COLEC11: variants seen among roughly 807,000 people sequenced by gnomAD.
The protein encoded by COLEC11 is collectin-11.
Under a neutral mutation model 27.3 loss-of-function variants are expected in COLEC11, and 20 were observed. That is an observed-to-expected ratio of 0.73 (90% CI 0.51 to 1.06). COLEC11 has a LOEUF of 1.06. Ranked by LOEUF, COLEC11 falls within the 50% of genes least tolerant of loss-of-function variation. The pLI, the probability that COLEC11 is intolerant of heterozygous loss-of-function variation, is 0.00. For synonymous variants in COLEC11, 163 were observed against 154.7 expected (o/e 1.05, Z -0.40); for missense variants, 310 against 383.0 (o/e 0.81, Z 1.59).
chr2:3,643,960 T>A lies in COLEC11; in HGVS notation c.658T>A (p.Ser220Thr), dbSNP rs753041393. 6.4e-5 allele frequency: 104 copies of A among 1,613,962 alleles called. No homozygotes were observed. Among genetic ancestry groups the A allele is most frequent in the Non-Finnish European group, 8.4e-5 (99 of 1,180,026 alleles). Residue 220 changes from serine (S) to threonine (T), a missense_variant, in exon 7 of 7, where the codon TCC (serine) becomes ACC (threonine). By Grantham distance (58) the Ser-to-Thr change is moderately conservative. Transcript: ENST00000349077. ...GGGCGCCTTCGTGTACTCTGACCAC[T>A]CCCCCATGCGGACCTTCAACAAGTG... ...KEGAFVYSDH[S>T]PMRTFNKWRS...
intron 1 of COLEC11, chr2:3,603,407 C>G (rs1662386170): frequency 2.0e-6 from 1 of 508,410 alleles, no homozygotes; most frequent in South Asian, 2.1e-5. Flanking sequence ...ACCTCCGCCT[C>G]CTGGGTTCAA....
intron 2 of COLEC11, among the ~76,000 whole-genome samples, chr2:3,609,599 G>A (rs1017786557): frequency 3.3e-5 from 5 of 150,800 alleles, no homozygotes; most frequent in African/African-American, 1.2e-4. Context: ...GCGTGATCTT[G>A]GCTCACTGCA....
chr2:3,600,640 G>A (rs1196067913), intron 1 of COLEC11, among the ~76,000 whole-genome samples: 6 of 152,232 alleles, frequency 3.9e-5, no homozygotes, highest in African/African-American at 9.6e-5. Flanking sequence ...TCAGGATGGC[G>A]TCCCCCAGGG....
At chr2:3,643,264 G>A (rs1311963021) in intron 5 of COLEC11, among the ~76,000 whole-genome samples, 180 bp from the exon 6 acceptor site, 1 of 152,220 alleles carries the variant, frequency 6.6e-6, no homozygotes, top group African/African-American at 2.4e-5. Context: ...CCACTCCTGT[G>A]GAGGTCCTTC....
rs761408974 is a variant in COLEC11, at chr2:3,606,203, G to A, written c.130+1733G>A. 3.2e-6 allele frequency: 5 copies of A among 1,550,504 alleles called. No individual in the cohort carries two copies. In the South Asian group the frequency reaches 5.9e-5, roughly 18 times the overall value. On this transcript the variant is annotated intron_variant, in intron 2 of 6. Coordinates refer to ENST00000349077, the MANE Select transcript of COLEC11 (RefSeq NM_024027.5). ...CACGTCCCTGCCCAATGTGGTGGGT[G>A]CCTCCGAGTCCCTACGGTTGTCTTC...
At chr2:3,613,254 C>T (rs1230298802) in intron 2 of COLEC11, 57 bp from the exon 3 acceptor site, 46 of 1,546,172 alleles carry the variant, frequency 3.0e-5, no homozygotes, top group Non-Finnish European at 4.1e-5. Flanking sequence ...CCACAAATCA[C>T]TCTGAGACGC....
chr2:3,642,134 C>G (rs1357864370), intron 5 of COLEC11, among the ~76,000 whole-genome samples: 1 of 152,200 alleles, frequency 6.6e-6, no homozygotes, highest in African/African-American at 2.4e-5. Flanking sequence ...CTTAGGACAG[C>G]TGCGTGTTCT....
chr2:3,642,624 C>G (rs555910758), intron 5 of COLEC11, among the ~76,000 whole-genome samples: 5 of 152,336 alleles, frequency 3.3e-5, no homozygotes, highest in African/African-American at 9.6e-5. Flanking sequence ...CTCACGTGTG[C>G]AGCTCCCCAG....
intron 3 of COLEC11, among the ~76,000 whole-genome samples, chr2:3,629,867 G>A (rs1199726258): frequency 1.3e-5 from 2 of 152,154 alleles, no homozygotes; most frequent in African/African-American, 4.8e-5. Context: ...GTATGTTTGT[G>A]TACACATGTA....
chr2:3,641,148 C>T lies in COLEC11; in HGVS notation c.328+817C>T, dbSNP rs17017806. 9,434 of 1,173,236 alleles carry T rather than the reference C, an allele frequency of 8.0e-3. 886 individuals carry two copies. The African/African-American group carries it at 0.15, about 19-fold the overall frequency. 72.7% of individuals were successfully genotyped at this position (1,173,236 alleles called of 1,614,324 possible). ...TGTAGACCCCACGGTGGATCCCATT[C>T]GGAAGGTGCTTTCCGAGAAGGATCT... On this transcript the variant is annotated intron_variant, in intron 5 of 6. Coordinates refer to ENST00000349077, the MANE Select transcript of COLEC11 (RefSeq NM_024027.5).
At chr2:3,596,798 G>A (rs1350158214) in intron 1 of COLEC11, among the ~76,000 whole-genome samples, 1 of 152,168 alleles carries the variant, frequency 6.6e-6, no homozygotes, top group East Asian at 1.9e-4. Flanking sequence ...AGGTCCTGGG[G>A]GTAGCTGTGG....
intron 3 of COLEC11, among the ~76,000 whole-genome samples, chr2:3,619,922 G>A (rs114408735): frequency 0.024 from 3,595 of 152,246 alleles, 143 homozygotes; most frequent in African/African-American, 0.08. Context: ...CACCGCTCCC[G>A]GCCGTGTATA....
chr2:3,595,436 C>T (rs1661781509), intron 1 of COLEC11, among the ~76,000 whole-genome samples: 1 of 152,226 alleles, frequency 6.6e-6, no homozygotes, highest in African/African-American at 2.4e-5. Flanking sequence ...GATGGAGTCA[C>T]CCTCTTGGGT....
chr2:3,626,323 G>A (rs536705475), intron 3 of COLEC11, among the ~76,000 whole-genome samples: 2 of 152,342 alleles, frequency 1.3e-5, no homozygotes, highest in African/African-American at 4.8e-5. Context: ...TCCTGGGCTC[G>A]CTGGGCCTGT....
At chr2:3,625,612 T>C (rs1664490517) in intron 3 of COLEC11, among the ~76,000 whole-genome samples, 2 of 132,750 alleles carry the variant, frequency 1.5e-5, no homozygotes, top group African/African-American at 2.9e-5. Context: ...AAAGTTTCTT[T>C]TCTTCTTTTT....
chr2:3,638,187 C>T (rs550286294), intron 4 of COLEC11, among the ~76,000 whole-genome samples: 17 of 152,206 alleles, frequency 1.1e-4, no homozygotes, highest in Non-Finnish European at 2.4e-4. Flanking sequence ...GCTGCGCCTC[C>T]CGTGATGAGA....
chr2:3,633,664 G>T (rs1665177173), intron 3 of COLEC11, among the ~76,000 whole-genome samples: 2 of 152,162 alleles, frequency 1.3e-5, no homozygotes, highest in African/African-American at 4.8e-5. Flanking sequence ...CGTGGAGGGG[G>T]AAATAAGAAG....
intron 3 of COLEC11, among the ~76,000 whole-genome samples, chr2:3,616,721 T>C (rs2147895180): frequency 6.6e-6 from 1 of 152,082 alleles, no homozygotes; most frequent in Admixed American, 6.5e-5. Context: ...ACAGTCCAGC[T>C]TCGGCTCAGC....
intron 3 of COLEC11, among the ~76,000 whole-genome samples, chr2:3,620,518 A>G (rs561429776): frequency 1.1e-3 from 163 of 151,706 alleles, no homozygotes; most frequent in African/African-American, 3.9e-3. Context: ...TCGCTTTGCT[A>G]CAGCTTTTCT....
Sources: allele counts gnomAD v4.1 joint callset (sites outside exome capture counted in the v4.1 genomes callset), GRCh38; gene constraint gnomAD v4.1.1; transcripts MANE v1.5; gene names NCBI Gene and HGNC (gene_info 2026-07-23, HGNC 2026-07-21).